The following IFT81 variants were observed in gnomAD, a reference collection of about 807,000 sequenced individuals.
The protein encoded by IFT81 is intraflagellar transport 81, also known as intraflagellar transport protein 81 homolog.
Under a neutral mutation model 102.6 loss-of-function variants are expected in IFT81, and 72 were observed. The observed-to-expected ratio is 0.70, with a 90% confidence interval of 0.58 to 0.85. The LOEUF (loss-of-function observed/expected upper bound fraction) is 0.85. Among genes scored for constraint, IFT81 ranks in the 40% least tolerant of loss-of-function variants. The pLI is 0.00. For synonymous variants in IFT81, 237 were observed against 242.7 expected (o/e 0.98, Z 0.22); for missense variants, 723 against 787.3 (o/e 0.92, Z 0.98).
At position 110,163,025 on chromosome 12, in the gene IFT81, C is replaced by A. The variant is rs1192632074; in HGVS notation, c.1148C>A (p.Thr383Asn). 9 of 1,613,836 alleles carry A rather than the reference C, an allele frequency of 5.6e-6. No individual in the cohort carries two copies. Among genetic ancestry groups the A allele is most frequent in the Middle Eastern group, 1.6e-4 (1 of 6,062 alleles). ...EREASVKRNQ[T>N]REFDGTEVLK... is the part of the protein sequence containing the mutation. ...GAAGCATCAGTAAAGAGAAATCAGACCCGTGAATTTGATGGTACTGAAGTT... is the reference window on the plus strand; with the variant it reads ...GAAGCATCAGTAAAGAGAAATCAGAACCGTGAATTTGATGGTACTGAAGTT... The change falls in exon 11 of 19, where the codon ACC becomes AAC. Residue 383 changes from threonine (T) to asparagine (N), a missense_variant. By Grantham distance (65) the Thr-to-Asn change is moderately conservative. Transcript: ENST00000242591.
At chr12:110,158,791 T>G (rs542316454) in intron 10 of IFT81, among the ~76,000 whole-genome samples, 85 of 151,912 alleles carry the variant, frequency 5.6e-4, no homozygotes, top group Non-Finnish European at 8.1e-4. Flanking sequence ...GGGTTTCACC[T>G]GTTAGCCAGG....
chr12:110,163,872 C>G (rs1411578713), intron 11 of IFT81, among the ~76,000 whole-genome samples: 5 of 151,908 alleles, frequency 3.3e-5, no homozygotes, highest in Non-Finnish European at 1.5e-5. Context: ...CCTCGGCCTC[C>G]CAGAGTGCTG....
At chr12:110,172,328 C>T (rs999005207) in intron 11 of IFT81, among the ~76,000 whole-genome samples, 3 of 151,068 alleles carry the variant, frequency 2.0e-5, no homozygotes, top group African/African-American at 4.9e-5. Context: ...CCTCCTCTGC[C>T]TCCTCTGCCT....
At chr12:110,173,412 A>G (rs977214406) in intron 11 of IFT81, among the ~76,000 whole-genome samples, 2 of 151,338 alleles carry the variant, frequency 1.3e-5, no homozygotes, top group Non-Finnish European at 3.0e-5. Context: ...GGCCGCCCCT[A>G]CTGGGAAGTG....
At chr12:110,215,453 CTTTTTTTTTTTTTTTT>C (rs556887393) in intron 18 of IFT81, among the ~76,000 whole-genome samples, 1 of 61,944 alleles carries the variant, frequency 1.6e-5, no homozygotes, top group South Asian at 5.6e-4. Context: ...TCTTCTTCTT[CTTTTTTTTTTTTTTTT>C]TTTTTTTTTT....
At chr12:110,130,348 G>T (rs1206823000) in intron 4 of IFT81, among the ~76,000 whole-genome samples, 3 of 150,680 alleles carry the variant, frequency 2.0e-5, no homozygotes, top group African/African-American at 4.9e-5. Flanking sequence ...AATTTATCTA[G>T]AGGAAGTTGA....
At chr12:110,155,476 A>G (rs1895790385) in intron 10 of IFT81, among the ~76,000 whole-genome samples, 1 of 151,754 alleles carries the variant, frequency 6.6e-6, no homozygotes, top group Non-Finnish European at 1.5e-5. Context: ...ATGCCCAACT[A>G]ATTTTTTGTA....
intron 9 of IFT81, 77 bp from the exon 10 acceptor site, chr12:110,146,875 GT>G: frequency 7.1e-7 from 1 of 1,408,914 alleles, no homozygotes; most frequent in Non-Finnish European, 9.3e-7. Flanking sequence ...TTCAAAGCTG[GT>G]TTGGCCAGAC....
chr12:110,130,416 A>G (rs113628058), intron 4 of IFT81, among the ~76,000 whole-genome samples: 1 of 143,620 alleles, frequency 7.0e-6, no homozygotes, highest in East Asian at 2.0e-4. Context: ...CCCAGGCTGG[A>G]TGGAGTGCAG....
chr12:110,156,323 G>C (rs1284276703), intron 10 of IFT81, among the ~76,000 whole-genome samples: 1 of 151,886 alleles, frequency 6.6e-6, no homozygotes, highest in Non-Finnish European at 1.5e-5. Flanking sequence ...TGCCTTTATT[G>C]GGATCTTTCT....
chr12:110,137,275 G>C (rs1309652576), intron 8 of IFT81, among the ~76,000 whole-genome samples: 3 of 152,252 alleles, frequency 2.0e-5, no homozygotes, highest in Non-Finnish European at 4.4e-5. Flanking sequence ...GGGAGGCAGA[G>C]GTTGCAGTGA....
intron 4 of IFT81, 71 bp from the exon 5 acceptor site, chr12:110,132,472 AAAAG>A (rs1049029109): frequency 1.7e-4 from 115 of 666,628 alleles, no homozygotes; most frequent in East Asian, 9.3e-4. Context: ...AAAAAAAAAA[AAAAG>A]AAAGAAAGAA....
chr12:110,169,390 A>G (rs1004868137), intron 11 of IFT81, among the ~76,000 whole-genome samples: 1 of 152,128 alleles, frequency 6.6e-6, no homozygotes, highest in African/African-American at 2.4e-5. Flanking sequence ...ATGACTGTAT[A>G]CTTTGAGTTC....
intron 10 of IFT81, among the ~76,000 whole-genome samples, chr12:110,151,220 A>G (rs1230235908): frequency 6.6e-6 from 1 of 152,144 alleles, no homozygotes; most frequent in Non-Finnish European, 1.5e-5. Flanking sequence ...TTGAGACAAA[A>G]TCAGTCTCTA....
chr12:110,158,346 G>C lies in IFT81; in HGVS notation c.1042-4573G>C, dbSNP rs537558159. ...TTCACCTGCTTTGGCCTCCCAAAGTGGTAGGATTACAGGCATGAGCCACTG... is the reference window on the plus strand; with the variant it reads ...TTCACCTGCTTTGGCCTCCCAAAGTCGTAGGATTACAGGCATGAGCCACTG... On this transcript the variant is annotated intron_variant, in intron 10 of 18. Coordinates refer to ENST00000242591, the MANE Select transcript of IFT81 (RefSeq NM_014055.4). Among the ~76,000 whole-genome samples the C allele has an allele frequency of 1.1e-4, 17 of 152,186 alleles. 1 individual carries two copies. The South Asian group carries it at 3.5e-3, about 32-fold the overall frequency.
chr12:110,208,196 T>C (rs1868934333), intron 17 of IFT81, among the ~76,000 whole-genome samples: 1 of 152,164 alleles, frequency 6.6e-6, no homozygotes, highest in South Asian at 2.1e-4. Flanking sequence ...TACATACATA[T>C]GTATATAAAA....
intron 1 of IFT81, among the ~76,000 whole-genome samples, chr12:110,125,747 G>T (rs1208592415): frequency 3.9e-5 from 6 of 152,206 alleles, no homozygotes; most frequent in African/African-American, 1.4e-4. Flanking sequence ...CCTAGGTAAA[G>T]CTGTTTCAGC....
rs779495447 is a variant in IFT81, at chr12:110,175,525, C to T, written c.1189-4897C>T. ...TATAGTCATTTGATCTCGGTATTTT[C>T]GTTATTTTACAAAAGTATCTGATGC... On this transcript the variant is annotated intron_variant, in intron 11 of 18. Coordinates refer to ENST00000242591, the MANE Select transcript of IFT81 (RefSeq NM_014055.4). 2.5e-4 allele frequency among the ~76,000 whole-genome samples: 38 copies of T among 152,120 alleles called. 1 individual carries two copies. Among genetic ancestry groups the T allele is most frequent in the Non-Finnish European group, 2.6e-4 (18 of 68,020 alleles).
At chr12:110,166,163 T>C (rs1896424948) in intron 11 of IFT81, among the ~76,000 whole-genome samples, 1 of 152,224 alleles carries the variant, frequency 6.6e-6, no homozygotes, top group African/African-American at 2.4e-5. Flanking sequence ...ACTAGGCACA[T>C]AGTAAATGCT....
Sources: gnomAD v4.1 joint callset for allele counts (sites outside exome capture counted in the v4.1 genomes callset) on GRCh38, gnomAD v4.1.1 for gene constraint, MANE v1.5 for transcripts, NCBI Gene and HGNC (gene_info 2026-07-23, HGNC 2026-07-21) for gene names.